NOL9: variants seen among roughly 807,000 people sequenced by gnomAD.
NOL9 encodes polynucleotide 5'-hydroxyl-kinase NOL9.
A neutral mutation model predicts 67.9 loss-of-function variants in NOL9; 28 were observed. That is an observed-to-expected ratio of 0.41 (90% confidence interval 0.31 to 0.57). The LOEUF is 0.57. NOL9 is among the 20% of genes least tolerant of loss of function. The pLI is 0.25. For missense variants in NOL9, 777 were observed against 897.0 expected (o/e 0.87, Z 1.71); for synonymous variants, 356 against 352.2 (o/e 1.01, Z -0.12).
chr1:6,541,338 T>A (rs746657903), intron 6 of NOL9, among the ~76,000 whole-genome samples: 2 of 152,106 alleles, frequency 1.3e-5, no homozygotes, highest in Admixed American at 6.6e-5. Flanking sequence ...TGCACCACCA[T>A]GCCCAGCTAA....
intron 10 of NOL9, among the ~76,000 whole-genome samples, chr1:6,527,708 C>G (rs535374092): frequency 6.6e-6 from 1 of 151,578 alleles, no homozygotes; most frequent in African/African-American, 2.4e-5. Context: ...CCGAGGTGGG[C>G]AGATCACGAG....
intron 10 of NOL9, among the ~76,000 whole-genome samples, chr1:6,528,174 A>G (rs943428656): frequency 1.3e-5 from 2 of 152,024 alleles, no homozygotes; most frequent in African/African-American, 4.8e-5. Context: ...ACCTCAGGAA[A>G]CCAGGGCAGG....
Position 6,554,249 on chromosome 1 carries a change from G to A in NOL9, c.254C>T (p.Pro85Leu). ...GGAGGCCGGGGTCGGGCTAGGGATC[G>A]GGCTGGGGGTCGCGGTGTTGGGTCT... ...ARRPNTATPS[P>L]IPSPTPASEP... The change falls in exon 1 of 12, where the codon CCG becomes CTG. Residue 85 changes from proline to leucine, a missense_variant. Pro to Leu is a moderately conservative substitution (Grantham distance 98). Transcript: ENST00000377705. 1 of 1,494,934 alleles carries A rather than the reference G, an allele frequency of 6.7e-7. No homozygotes were observed. The highest frequency in any genetic ancestry group is 8.9e-7 in the Non-Finnish European group (1 of 1,122,940). The allele number at this position is 1,494,934 out of a possible 1,614,324, so 92.6% of individuals were successfully genotyped here. A position where few individuals can be genotyped will look rare whatever the true frequency, so the allele number is the denominator to read the frequency against.
chr1:6,541,186 T>G (rs11122086), intron 6 of NOL9, among the ~76,000 whole-genome samples: 122,273 of 151,814 alleles, frequency 0.81, 50,043 homozygotes, highest in Non-Finnish European at 0.87. Context: ...CAGCTAATTT[T>G]TGTTTTTTTG....
At chr1:6,543,262 C>T (rs2148658948) in intron 5 of NOL9, among the ~76,000 whole-genome samples, 1 of 149,724 alleles carries the variant, frequency 6.7e-6, no homozygotes, top group Middle Eastern at 3.6e-3. Flanking sequence ...GCGGCACCAT[C>T]TCGGCTCACT....
At chr1:6,540,476 C>T (rs1367017351) in intron 6 of NOL9, among the ~76,000 whole-genome samples, 1 of 152,020 alleles carries the variant, frequency 6.6e-6, no homozygotes, top group Admixed American at 6.6e-5. Context: ...AAAAACCACA[C>T]CCGACTAATT....
chr1:6,531,651 C>T (rs541116366), intron 9 of NOL9, among the ~76,000 whole-genome samples: 32 of 152,156 alleles, frequency 2.1e-4, no homozygotes, highest in East Asian at 3.8e-4. Context: ...GCAGCCCCTG[C>T]GACCAGATGG....
In NOL9 at chr1:6,525,801, T is replaced by A; in HGVS notation, c.*53A>T. 1.3e-6 allele frequency: 2 copies of A among 1,599,496 alleles called. No individual in the cohort carries two copies. Among genetic ancestry groups the A allele is most frequent in the Non-Finnish European group, 1.7e-6 (2 of 1,167,750 alleles). On this transcript the variant is annotated 3_prime_UTR_variant, in exon 12 of 12. Coordinates refer to ENST00000377705, the MANE Select transcript of NOL9 (RefSeq NM_024654.5). ...CCATCATGTCTCTTGTGGTCAGGCTTGAGACAAAGCTTTCTGGTAGGAAAG... is the reference window on the plus strand; with the variant it reads ...CCATCATGTCTCTTGTGGTCAGGCTAGAGACAAAGCTTTCTGGTAGGAAAG...
At chr1:6,547,648 A>G (rs1379582604) in intron 3 of NOL9, among the ~76,000 whole-genome samples, 1 of 152,124 alleles carries the variant, frequency 6.6e-6, no homozygotes, top group African/African-American at 2.4e-5. Flanking sequence ...GGAGTCCAAG[A>G]GTTCGTGACC....
chr1:6,532,264 G>A, intron 8 of NOL9, 185 bp from the exon 9 acceptor site: 1 of 719,694 alleles, frequency 1.4e-6, no homozygotes, highest in Non-Finnish European at 2.3e-6. Context: ...GTTGCTGGCA[G>A]CCAGAGGTAG....
At chr1:6,527,120 G>A (rs112913870) in intron 10 of NOL9, among the ~76,000 whole-genome samples, 1,583 of 152,120 alleles carry the variant, frequency 0.01, 20 homozygotes, top group Middle Eastern at 0.065. Flanking sequence ...AGTGGTGGGC[G>A]CCTGTAGTCC....
chr1:6,530,286 C>A (rs1424708676), intron 9 of NOL9, among the ~76,000 whole-genome samples: 9 of 151,906 alleles, frequency 5.9e-5, no homozygotes, highest in Non-Finnish European at 1.2e-4. Flanking sequence ...AACCCCGTTT[C>A]TACTAAAAAT....
rs371351419 is a variant in NOL9, at chr1:6,544,963, T to C, written c.881-41A>G. 8 of 1,614,070 alleles carry C rather than the reference T, an allele frequency of 5.0e-6. No homozygotes were observed. In the African/African-American group the frequency reaches 1.1e-4, roughly 22 times the overall value. On this transcript the variant is annotated intron_variant, in intron 4 of 11. Coordinates refer to ENST00000377705, the MANE Select transcript of NOL9 (RefSeq NM_024654.5). ...ACATTGATCGCTAGAATTAGCCGTC[T>C]TCCTTGGACTCGAATTATGACTAAT...
At position 6,549,597 on chromosome 1, in the gene NOL9, C is replaced by A; in HGVS notation, c.718G>T (p.Gly240Cys). The change falls in exon 3 of 12, where the codon GGT becomes TGT. Residue 240 changes from glycine to cysteine, a missense_variant. Gly to Cys is a radical substitution (Grantham distance 159). Around this residue, in one of 2 missense-constraint regions of NOL9, gnomAD observed 364 missense variants for 344.4 expected, o/e 1.06. Transcript: ENST00000377705. ...ATVNFITSYP[G>C]SSYIFVQESP... is the part of the protein sequence containing the mutation. ...TCTTGCACAAAAATGTAGGATGAAC[C>A]CGGATAGCTGGTTATGAAGTTTACA... 6.2e-7 allele frequency: 1 copy of A among 1,613,954 alleles called. No individual in the cohort carries two copies. Among genetic ancestry groups the A allele is most frequent in the Non-Finnish European group, 8.5e-7 (1 of 1,179,952 alleles).
At chr1:6,540,927 G>A (rs1391832417) in intron 6 of NOL9, 2 of 150,962 alleles carry the variant, frequency 1.3e-5, no homozygotes, top group African/African-American at 4.9e-5. Context: ...CCCCGCACAA[G>A]GATAACATAT....
At chr1:6,549,721 C>T in intron 2 of NOL9, 23 bp from the exon 3 acceptor site, 1 of 1,608,010 alleles carries the variant, frequency 6.2e-7, no homozygotes, top group South Asian at 1.1e-5. Context: ...AAATAAACCA[C>T]CTTAGAAGCA....
chr1:6,528,989 C>T lies in NOL9; in HGVS notation c.1825+5G>A. ...TTTATGGATATGTTTTACTCTCAGACTCACCAAAGCCCAAGCAGTCACAGA... is the reference window on the plus strand; with the variant it reads ...TTTATGGATATGTTTTACTCTCAGATTCACCAAAGCCCAAGCAGTCACAGA... On this transcript the variant is annotated splice_donor_5th_base_variant and intron_variant, in intron 10 of 11. Transcript: ENST00000377705. The T allele has an allele frequency of 6.2e-7, 1 of 1,613,824 alleles. No individual in the cohort carries two copies. Among genetic ancestry groups the T allele is most frequent in the Non-Finnish European group, 8.5e-7 (1 of 1,179,858 alleles).
Position 6,541,855 on chromosome 1 carries a change from C to T in NOL9, c.1050G>A (p.Leu350=). The T allele has an allele frequency of 6.2e-7, 1 of 1,607,030 alleles. No individual in the cohort carries two copies. The highest frequency in any genetic ancestry group is 8.5e-7 in the Non-Finnish European group (1 of 1,176,728). ...TEFTPPGCIS[L]LNITEPVLGP... is the part of the protein sequence containing the mutation. ...CCAGAACTGGTTCTGTAATATTAAGCAAAGAAATGCAACCAGGAGGGGTAA... is the reference window on the plus strand; with the variant it reads ...CCAGAACTGGTTCTGTAATATTAAGTAAAGAAATGCAACCAGGAGGGGTAA... Residue 350 remains leucine (L), a synonymous_variant, in exon 6 of 12, where the codon TTG becomes TTA. Coordinates refer to ENST00000377705, the MANE Select transcript of NOL9 (RefSeq NM_024654.5).
rs6693400 is a variant in NOL9, at chr1:6,554,355, A to G, written c.148T>C (p.Trp50Arg). The G allele has an allele frequency of 1, 1,449,316 of 1,454,926 alleles. 722,098 individuals carry two copies. Among genetic ancestry groups the G allele is most frequent in the East Asian group, 1 (34,470 of 34,470 alleles). 90.1% of individuals were successfully genotyped at this position (1,454,926 alleles called of 1,614,324 possible). The change falls in exon 1 of 12, where the codon TGG (tryptophan) becomes CGG (arginine). Residue 50 changes from tryptophan to arginine, a missense_variant. Physicochemically the swap from Trp to Arg is moderately radical, Grantham distance 101 (BLOSUM62 -3). Around this residue, in one of 2 missense-constraint regions of NOL9, gnomAD observed 364 missense variants for 344.4 expected, o/e 1.06. Transcript: ENST00000377705. Reference protein sequence around the residue: ...LRWCGRRRLRWRLLQAQASGV... With the variant: ...LRWCGRRRLRRRLLQAQASGV... ...GACGCCTGGGCTTGCAGTAACCGCC[A>G]CCGTAGGCGCCGCCGACCGCACCAG...
Sources: gnomAD v4.1 joint callset for allele counts (sites outside exome capture counted in the v4.1 genomes callset) on GRCh38, gnomAD v4.1.1 for gene constraint, gnomAD v4.1.1 regional missense constraint, MANE v1.5 for transcripts, NCBI Gene and HGNC (gene_info 2026-07-23, HGNC 2026-07-21) for gene names.